Variants in ADGRL2 observed in about 807,000 individuals in gnomAD.
The protein encoded by ADGRL2 is calcium-independent alpha-latrotoxin receptor 2.
Under a neutral mutation model 157.4 loss-of-function variants are expected in ADGRL2, and 44 were observed. The observed-to-expected ratio is 0.28, with a 90% confidence interval of 0.22 to 0.36. ADGRL2 has a LOEUF of 0.36. Among genes scored for constraint, ADGRL2 ranks in the 10% least tolerant of loss-of-function variants. The pLI is 1.00. For missense variants in ADGRL2, 1,510 were observed against 1,768.9 expected (o/e 0.85, Z 2.63); for synonymous variants, 585 against 624.7 (o/e 0.94, Z 0.95).
At chr1:81,954,680 A>G (rs894072777) in intron 10 of ADGRL2, among the ~76,000 whole-genome samples, 2 of 152,102 alleles carry the variant, frequency 1.3e-5, no homozygotes, top group African/African-American at 4.8e-5. Flanking sequence ...CATTAGAGGG[A>G]GAAAAAAAGC....
chr1:81,776,191 A>ATTTT (rs34378166), intron 2 of ADGRL2, among the ~76,000 whole-genome samples: 1 of 144,908 alleles, frequency 6.9e-6, no homozygotes, highest in Non-Finnish European at 1.5e-5. Flanking sequence ...ACCTTAAAGC[A>ATTTT]TTTTTTTTTT....
intron 1 of ADGRL2, among the ~76,000 whole-genome samples, chr1:81,753,218 G>A (rs918339411): frequency 9.2e-5 from 14 of 152,164 alleles, no homozygotes; most frequent in Non-Finnish European, 1.8e-4. Flanking sequence ...CCACGTGGCT[G>A]GGGAGGCCTC....
At position 81,450,458 on chromosome 1, in the gene ADGRL2, C is replaced by T. The variant is rs551270232; in HGVS notation, c.-248+5369C>T. Among the ~76,000 whole-genome samples the T allele has an allele frequency of 2.0e-5, 3 of 150,198 alleles. No homozygotes were observed. The East Asian group carries it at 5.8e-4, about 29-fold the overall frequency. On this transcript the variant is annotated intron_variant, in intron 2 of 24. Transcript: ENST00000370721. The stretch of plus-strand genomic sequence containing the variant: ...CCCAGTCTAAAGATAAAGAAATAGA[C>T]AGAGAAATTTACTTTGATGAAATTA...
At chr1:81,310,802 C>G (rs544447036) in intron 1 of ADGRL2, among the ~76,000 whole-genome samples, 1 of 147,836 alleles carries the variant, frequency 6.8e-6, no homozygotes, top group Non-Finnish European at 1.5e-5. Flanking sequence ...GTGAGACATT[C>G]TTTTCAGATT....
At chr1:81,952,852 A>G in intron 9 of ADGRL2, 135 bp from the exon 10 acceptor site, 1 of 671,214 alleles carries the variant, frequency 1.5e-6, no homozygotes, top group Non-Finnish European at 2.7e-6. Context: ...GTCAGTGCAG[A>G]CTCAGACTCC....
intron 3 of ADGRL2, among the ~76,000 whole-genome samples, chr1:81,690,067 G>A (rs928635494): frequency 8.5e-5 from 13 of 152,192 alleles, no homozygotes; most frequent in Non-Finnish European, 1.8e-4. Flanking sequence ...AGGACAAAGA[G>A]AAAGGGAAAT....
chr1:81,401,981 T>A (rs949873530), intron 1 of ADGRL2, among the ~76,000 whole-genome samples: 2 of 136,426 alleles, frequency 1.5e-5, no homozygotes, highest in Non-Finnish European at 3.0e-5. Context: ...AAATTAGTAA[T>A]TGTTTGTTTG....
At chr1:81,606,401 A>G (rs1415613845) in intron 3 of ADGRL2, among the ~76,000 whole-genome samples, 1 of 152,122 alleles carries the variant, frequency 6.6e-6, no homozygotes, top group Non-Finnish European at 1.5e-5. Flanking sequence ...AATTTTATCA[A>G]AGATTACAGA....
chr1:81,525,379 G>C (rs1426638845), intron 2 of ADGRL2, among the ~76,000 whole-genome samples: 1 of 151,924 alleles, frequency 6.6e-6, no homozygotes, highest in Non-Finnish European at 1.5e-5. Flanking sequence ...GTGCAGTGGT[G>C]CGATCCCGGC....
intron 2 of ADGRL2, chr1:81,557,479 A>AAAGAAAGAAAG: frequency 1.3e-5 from 1 of 75,122 alleles, no homozygotes; most frequent in Non-Finnish European, 2.6e-5. Context: ...AGAAAGAAAG[A>AAAGAAAGAAAG]AAGAAGAAAG....
At chr1:81,902,581 G>A (rs2094506760) in intron 2 of ADGRL2, among the ~76,000 whole-genome samples, 1 of 152,132 alleles carries the variant, frequency 6.6e-6, no homozygotes, top group Non-Finnish European at 1.5e-5. Flanking sequence ...ACTCCAGCCT[G>A]GGTGACAGAG....
At chr1:81,679,457 T>G (rs1471511707) in intron 3 of ADGRL2, among the ~76,000 whole-genome samples, 1 of 151,704 alleles carries the variant, frequency 6.6e-6, no homozygotes, top group Non-Finnish European at 1.5e-5. Context: ...CATACTAAAT[T>G]AATAGTTCTT....
chr1:81,417,183 T>C (rs4636513), intron 1 of ADGRL2, among the ~76,000 whole-genome samples: 71,909 of 151,982 alleles, frequency 0.47, 17,579 homozygotes, highest in Non-Finnish European at 0.54. Context: ...CAGACTACTA[T>C]ACAATTCTTT....
At chr1:81,506,705 G>A (rs750884270) in intron 2 of ADGRL2, among the ~76,000 whole-genome samples, 7 of 148,916 alleles carry the variant, frequency 4.7e-5, no homozygotes, top group Non-Finnish European at 8.9e-5. Flanking sequence ...GTGAGACCCA[G>A]TCTCAAAAGA....
At chr1:81,633,848 G>A (rs2082061459) in intron 3 of ADGRL2, among the ~76,000 whole-genome samples, 1 of 152,088 alleles carries the variant, frequency 6.6e-6, no homozygotes, top group Non-Finnish European at 1.5e-5. Flanking sequence ...CCATTTGCAA[G>A]GCTAAGGGTA....
At chr1:81,557,202 G>A (rs187444020) in intron 2 of ADGRL2, 2 of 181,148 alleles carry the variant, frequency 1.1e-5, no homozygotes, top group Non-Finnish European at 2.6e-5. Flanking sequence ...GATGCTGGCC[G>A]GCTTTTCAAG....
intron 2 of ADGRL2, among the ~76,000 whole-genome samples, chr1:81,576,001 C>G (rs536607764): frequency 1.2e-4 from 19 of 152,174 alleles, no homozygotes; most frequent in South Asian, 1.2e-3. Context: ...CTTCAGAATT[C>G]TCTTCTTCAA....
At chr1:81,720,528 C>T (rs2084274025) in intron 1 of ADGRL2, among the ~76,000 whole-genome samples, 1 of 151,944 alleles carries the variant, frequency 6.6e-6, no homozygotes, top group South Asian at 2.1e-4. Flanking sequence ...TTCACCTGTT[C>T]GTTTTTTTAA....
chr1:81,613,558 C>A (rs1376574986), intron 3 of ADGRL2, among the ~76,000 whole-genome samples: 1 of 151,716 alleles, frequency 6.6e-6, no homozygotes, highest in Admixed American at 6.6e-5. Context: ...GAGTGCAGGG[C>A]AGACAGACTT....
Sources: allele counts gnomAD v4.1 joint callset (sites outside exome capture counted in the v4.1 genomes callset), GRCh38; gene constraint gnomAD v4.1.1; transcripts MANE v1.5; gene names NCBI Gene and HGNC (gene_info 2026-07-23, HGNC 2026-07-21).